Variants in CTNNA3 observed in about 807,000 individuals in gnomAD.
CTNNA3 encodes the protein catenin alpha 3.
In CTNNA3, 76 loss-of-function variants were observed where a neutral mutation model predicts 95.7. That is an observed-to-expected ratio of 0.79 (90% CI 0.66 to 0.96). The LOEUF (loss-of-function observed/expected upper bound fraction) is 0.96, where lower values mean the gene tolerates loss of function less well. CTNNA3 is among the 40% of genes least tolerant of loss of function. The pLI, the probability that CTNNA3 is intolerant of heterozygous loss-of-function variation, is 0.00. For synonymous variants in CTNNA3, 431 were observed against 374.4 expected (o/e 1.15, Z -1.74); for missense variants, 1,191 against 1,089.8 (o/e 1.09, Z -1.31).
At chr10:66,830,414 A>G (rs374606658) in intron 7 of CTNNA3, among the ~76,000 whole-genome samples, 39 of 150,402 alleles carry the variant, frequency 2.6e-4, no homozygotes, top group Middle Eastern at 3.4e-3. Flanking sequence ...TTAGAAGATT[A>G]GAATTGAAAG....
At chr10:67,474,138 A>C (rs566914960) in intron 5 of CTNNA3, among the ~76,000 whole-genome samples, 12 of 152,286 alleles carry the variant, frequency 7.9e-5, no homozygotes, top group Non-Finnish European at 1.3e-4. Context: ...AACTCTGCCA[A>C]AACTTCTCTG....
At chr10:66,352,583 G>A in intron 12 of CTNNA3, among the ~76,000 whole-genome samples, 1 of 151,886 alleles carries the variant, frequency 6.6e-6, no homozygotes, top group East Asian at 1.9e-4. Flanking sequence ...ACTTTGGAGT[G>A]AAAAAGGGCT....
intron 7 of CTNNA3, among the ~76,000 whole-genome samples, chr10:66,822,483 A>G (rs889924269): frequency 2.0e-5 from 3 of 152,206 alleles, no homozygotes; most frequent in Non-Finnish European, 4.4e-5. Flanking sequence ...TTCAATATTT[A>G]CAAGTACAAT....
At chr10:66,389,077 A>T (rs1391333394) in intron 11 of CTNNA3, among the ~76,000 whole-genome samples, 1 of 152,122 alleles carries the variant, frequency 6.6e-6, no homozygotes, top group Non-Finnish European at 1.5e-5. Flanking sequence ...ACAGCCTTTA[A>T]ACTTTTAGGA....
chr10:66,199,944 G>A (rs1395473768), intron 13 of CTNNA3, among the ~76,000 whole-genome samples: 4 of 146,434 alleles, frequency 2.7e-5, no homozygotes, highest in African/African-American at 5.1e-5. Flanking sequence ...GAGCCACCGC[G>A]CCCAGCCAAT....
At chr10:67,191,095 G>A (rs1390909930) in intron 6 of CTNNA3, among the ~76,000 whole-genome samples, 4 of 151,926 alleles carry the variant, frequency 2.6e-5, no homozygotes, top group African/African-American at 7.2e-5. Flanking sequence ...CCAAATGCTG[G>A]CAAGAATGTG....
intron 3 of CTNNA3, among the ~76,000 whole-genome samples, chr10:67,606,064 C>T (rs1010726167): frequency 2.6e-5 from 4 of 152,148 alleles, no homozygotes. Flanking sequence ...GCAAAGGCTT[C>T]CTGATTTTCT....
rs758644488 is a variant in CTNNA3 at position 66,927,469 on chromosome 10, C to G, written c.1048-151945G>C. 1.9e-6 allele frequency: 3 copies of G among 1,614,102 alleles called. No homozygotes were observed. The South Asian group carries it at 3.3e-5, about 18-fold the overall frequency. ...ATTCCAAGACTGCCGCAACCTGGAA[C>G]TTTTGGACCTGGGATATAACCGGAT... On this transcript the variant is annotated intron_variant, in intron 7 of 17. Transcript: ENST00000433211. This position sits in a 1 kb window ranked among gnomAD's most constrained non-coding sequence, Gnocchi z 4.7.
In CTNNA3 at chr10:66,173,580, A is replaced by G. The variant is rs545805031; in HGVS notation, c.1885-70331T>C. On this transcript the variant is annotated intron_variant, in intron 13 of 17. Transcript: ENST00000433211. ...CATTTCTATTTTCAGCCACTCAGAAAGCTGAGACAGGAGGATCACTTGAGC... is the reference window on the plus strand; with the variant it reads ...CATTTCTATTTTCAGCCACTCAGAAGGCTGAGACAGGAGGATCACTTGAGC... 1.6e-4 allele frequency among the ~76,000 whole-genome samples: 25 copies of G among 151,994 alleles called. No homozygotes were observed. The South Asian group carries it at 3.5e-3, about 21-fold the overall frequency.
chr10:66,469,512 A>G (rs533977103), intron 11 of CTNNA3, among the ~76,000 whole-genome samples: 3 of 151,336 alleles, frequency 2.0e-5, no homozygotes, highest in Non-Finnish European at 4.4e-5. Context: ...ACTATGTTAA[A>G]TGTATGTTAT....
intron 13 of CTNNA3, among the ~76,000 whole-genome samples, chr10:66,197,615 G>A (rs145217180): frequency 1.1e-3 from 169 of 152,224 alleles, no homozygotes; most frequent in Middle Eastern, 6.8e-3. Flanking sequence ...ATCAATATGT[G>A]GACAAGATAT....
At position 67,730,430 on chromosome 10, in the gene CTNNA3, T is replaced by C. The variant is rs148900198; in HGVS notation, c.-2+33004A>G. Among the ~76,000 whole-genome samples, 590 of 152,292 alleles carry C rather than the reference T, an allele frequency of 3.9e-3. 6 individuals are homozygous for C. The highest frequency in any genetic ancestry group is 0.014 in the African/African-American group (562 of 41,564). ...CCAAGAATAAAGACATTTTCAGATG[T>C]GCAAAGTTTAAAAATAATTTTTGCC... is the stretch of plus-strand genomic sequence containing the variant. On this transcript the variant is annotated intron_variant, in intron 1 of 17. Transcript: ENST00000684154.
intron 5 of CTNNA3, among the ~76,000 whole-genome samples, chr10:67,430,310 A>C (rs1312563711): frequency 6.6e-6 from 1 of 151,958 alleles, no homozygotes; most frequent in Non-Finnish European, 1.5e-5. Context: ...GTAGTCTTGG[A>C]TATAAATTTA....
At chr10:67,208,251 G>C (rs1863990998) in intron 6 of CTNNA3, among the ~76,000 whole-genome samples, 2 of 151,748 alleles carry the variant, frequency 1.3e-5, no homozygotes, top group African/African-American at 4.8e-5. Context: ...CTGGTGGCAG[G>C]CGCCTGTAAT....
At chr10:66,181,005 A>G (rs1232620791) in intron 13 of CTNNA3, among the ~76,000 whole-genome samples, 2 of 152,180 alleles carry the variant, frequency 1.3e-5, no homozygotes, top group African/African-American at 4.8e-5. Flanking sequence ...GACCATTTCT[A>G]GTCCAAGTAT....
chr10:67,397,274 C>T (rs1844738918), intron 5 of CTNNA3, among the ~76,000 whole-genome samples: 1 of 152,140 alleles, frequency 6.6e-6, no homozygotes, highest in Non-Finnish European at 1.5e-5. Flanking sequence ...TGTTGAACAG[C>T]TTTGACCAAA....
chr10:66,170,936 C>A (rs1436625110), intron 13 of CTNNA3, among the ~76,000 whole-genome samples: 3 of 151,576 alleles, frequency 2.0e-5, no homozygotes, highest in African/African-American at 7.3e-5. Flanking sequence ...GAGTTTGAGA[C>A]CACCCCAGCC....
intron 11 of CTNNA3, among the ~76,000 whole-genome samples, chr10:66,409,093 G>T (rs2093079781): frequency 6.6e-6 from 1 of 151,884 alleles, no homozygotes; most frequent in Non-Finnish European, 1.5e-5. Flanking sequence ...ACATTTTCTG[G>T]GTATTCTACA....
chr10:67,316,396 A>C (rs79661860), intron 5 of CTNNA3, among the ~76,000 whole-genome samples: 1,786 of 152,236 alleles, frequency 0.012, 39 homozygotes, highest in African/African-American at 0.039. Context: ...AAAGCTATTA[A>C]ATTTTTTGTC....
Sources: gnomAD v4.1 joint callset for allele counts (sites outside exome capture counted in the v4.1 genomes callset) on GRCh38, gnomAD v4.1.1 for gene constraint, Gnocchi (gnomAD v3.1) non-coding constraint, MANE v1.5 for transcripts, NCBI Gene and HGNC (gene_info 2026-07-23, HGNC 2026-07-21) for gene names.